MAPT: variants seen among roughly 807,000 people sequenced by gnomAD.
MAPT encodes microtubule-associated protein tau.
In MAPT, 34 loss-of-function variants were observed where a neutral mutation model predicts 67.9. The observed-to-expected ratio is 0.50, with a 90% confidence interval of 0.38 to 0.67. The LOEUF (loss-of-function observed/expected upper bound fraction) is 0.67, where lower values mean the gene tolerates loss of function less well. Among genes scored for constraint, MAPT ranks in the 30% least tolerant of loss-of-function variants. The pLI, the probability that MAPT is intolerant of heterozygous loss-of-function variation, is 0.00. For missense variants in MAPT, 881 were observed against 1,115.2 expected, an observed-to-expected ratio of 0.79 and a Z score of 2.99; for synonymous variants, 456 against 464.5, an observed-to-expected ratio of 0.98 and a Z score of 0.23.
intron 1 of MAPT, among the ~76,000 whole-genome samples, chr17:45,918,935 G>T (rs946886113): frequency 6.6e-6 from 1 of 151,930 alleles, no homozygotes; most frequent in Non-Finnish European, 1.5e-5. Flanking sequence ...GGTGGTGTGC[G>T]CCTGGAATCC....
At chr17:45,997,498 G>A (rs1223634025) in intron 9 of MAPT, among the ~76,000 whole-genome samples, 1 of 152,142 alleles carries the variant, frequency 6.6e-6, no homozygotes, top group Non-Finnish European at 1.5e-5. Flanking sequence ...AGTGGCTCAC[G>A]CCTATAATCC....
intron 12 of MAPT, among the ~76,000 whole-genome samples, chr17:46,020,011 CACA>C (rs200018586): frequency 0.36 from 20,127 of 55,956 alleles, 1,780 homozygotes; most frequent in Non-Finnish European, 0.42. Flanking sequence ...GATTCCATCT[CACA>C]AAAAAAAAAA....
In MAPT at chr17:45,996,796, T is replaced by C; in HGVS notation, c.1998+132T>C. ...AGTCGTGGGACTGTGCATGGAGGTG[T>C]GGGGCTCCCCGCACCTGAGCACCCC... On this transcript the variant is annotated intron_variant, in intron 9 of 12. Coordinates refer to ENST00000262410, the MANE Select transcript of MAPT (RefSeq NM_001377265.1). The surrounding 1 kb of genome is among the most constrained non-coding windows in gnomAD (Gnocchi z 4.5). 3.9e-6 allele frequency: 5 copies of C among 1,275,018 alleles called. No homozygotes were observed. The highest frequency in any genetic ancestry group is 5.4e-6 in the Non-Finnish European group (5 of 930,876). 79.0% of individuals were successfully genotyped at this position (1,275,018 alleles called of 1,614,324 possible).
At chr17:45,944,781 A>C (rs1038621215) in intron 1 of MAPT, among the ~76,000 whole-genome samples, 3 of 152,154 alleles carry the variant, frequency 2.0e-5, no homozygotes, top group Non-Finnish European at 4.4e-5. Flanking sequence ...TGCCTCTGAG[A>C]GGCCTCGCAG....
At chr17:45,948,226 G>C (rs78026984) in intron 1 of MAPT, among the ~76,000 whole-genome samples, 21,811 of 152,050 alleles carry the variant, frequency 0.14, 2,136 homozygotes, top group Non-Finnish European at 0.22. Context: ...GGCTGGTCTC[G>C]AACTCCTGGC....
At chr17:45,986,970 C>T (rs2073608785) in intron 5 of MAPT, 70 bp from the exon 6 acceptor site, 6 of 1,374,830 alleles carry the variant, frequency 4.4e-6, no homozygotes, top group African/African-American at 4.3e-5. Context: ...AATCCAGCTT[C>T]ACCACAGCTG....
intron 2 of MAPT, among the ~76,000 whole-genome samples, chr17:45,963,717 T>C (rs992481613): frequency 3.3e-5 from 5 of 152,270 alleles, no homozygotes; most frequent in Admixed American, 2.0e-4. Context: ...GCTGGATATG[T>C]CTATTCAGGA....
intron 1 of MAPT, among the ~76,000 whole-genome samples, chr17:45,942,573 C>T (rs1197506980): frequency 6.6e-6 from 1 of 152,232 alleles, no homozygotes; most frequent in Non-Finnish European, 1.5e-5. Context: ...GAACTAGCTC[C>T]AGGCGCCTCT....
intron 9 of MAPT, chr17:45,999,266 C>T: frequency 6.2e-7 from 1 of 1,610,604 alleles, no homozygotes; most frequent in South Asian, 1.1e-5. Flanking sequence ...GTCTGCTGCT[C>T]CCTAGTCTGG....
intron 1 of MAPT, among the ~76,000 whole-genome samples, chr17:45,930,407 CAAAAAAA>C (rs67120979): frequency 3.7e-5 from 3 of 82,002 alleles, no homozygotes; most frequent in African/African-American, 1.2e-4. Context: ...ATTCTGTCTC[CAAAAAAA>C]AAAAAAAAAA....
intron 9 of MAPT, among the ~76,000 whole-genome samples, chr17:46,004,695 A>G (rs2075286095): frequency 6.6e-6 from 1 of 152,182 alleles, no homozygotes. Context: ...CCTTGTGTCT[A>G]TTGTAAAATC....
chr17:45,932,979 G>C (rs569384928), intron 1 of MAPT, among the ~76,000 whole-genome samples: 4 of 152,166 alleles, frequency 2.6e-5, no homozygotes, highest in African/African-American at 9.7e-5. Context: ...CTACTGGGGA[G>C]GGTGAGGCAG....
intron 2 of MAPT, among the ~76,000 whole-genome samples, chr17:45,966,637 T>G (rs1275799512): frequency 6.6e-6 from 1 of 152,160 alleles, no homozygotes; most frequent in Non-Finnish European, 1.5e-5. Context: ...GTTTTACCAC[T>G]CTTATTTTCT....
chr17:45,997,179 C>G (rs927363447), intron 9 of MAPT, among the ~76,000 whole-genome samples: 1 of 152,152 alleles, frequency 6.6e-6, no homozygotes, highest in Non-Finnish European at 1.5e-5. Context: ...TGGGTGCTCG[C>G]GAGCTCTCCA....
chr17:45,929,631 G>C (rs756669933), intron 1 of MAPT, among the ~76,000 whole-genome samples: 141 of 152,270 alleles, frequency 9.3e-4, no homozygotes, highest in Non-Finnish European at 1.7e-3. Flanking sequence ...GAATATACAA[G>C]AAGAGCTCAG....
intron 1 of MAPT, among the ~76,000 whole-genome samples, chr17:45,942,396 G>A (rs968194797): frequency 6.6e-6 from 1 of 152,234 alleles, no homozygotes; most frequent in African/African-American, 2.4e-5. Context: ...GGGACCAGGG[G>A]ATGATCTCAC....
chr17:45,941,680 CTCCTTCCTTCCTTCCTTCCTGCCTGCCT>C (rs1310340395), intron 1 of MAPT, among the ~76,000 whole-genome samples: 10 of 47,276 alleles, frequency 2.1e-4, no homozygotes, highest in South Asian at 1.5e-3. Context: ...CCCCCCTTCC[CTCCTTCCTTCCTTCCTTCCTGCCTGCCT>C]TCCTTCCTTC....
intron 1 of MAPT, among the ~76,000 whole-genome samples, chr17:45,935,697 G>T (rs1235167265): frequency 6.6e-6 from 1 of 152,068 alleles, no homozygotes; most frequent in Admixed American, 6.6e-5. Context: ...TTTGACCAAT[G>T]GTGTCCCTTT....
intron 1 of MAPT, among the ~76,000 whole-genome samples, chr17:45,903,428 A>C (rs1373180857): frequency 6.6e-6 from 1 of 152,004 alleles, no homozygotes; most frequent in Non-Finnish European, 1.5e-5. Flanking sequence ...AATCAGGGCA[A>C]CATCAGGCAG....
Sources: allele counts gnomAD v4.1 joint callset (sites outside exome capture counted in the v4.1 genomes callset), GRCh38; gene constraint gnomAD v4.1.1; non-coding constraint Gnocchi (gnomAD v3.1); transcripts MANE v1.5; gene names NCBI Gene and HGNC (gene_info 2026-07-23, HGNC 2026-07-21).